Variants in PLB1 observed in about 807,000 individuals in gnomAD.
PLB1 encodes the protein phospholipase B1, membrane-associated.
A neutral mutation model predicts 227.4 loss-of-function variants in PLB1; 242 were observed. The ratio of observed to expected loss-of-function variants is 1.06; its 90% CI spans 0.96 to 1.18. The LOEUF (loss-of-function observed/expected upper bound fraction) is 1.18. PLB1 is among the 50% of genes most tolerant of loss of function. The pLI, the probability that PLB1 is intolerant of heterozygous loss-of-function variation, is 0.00. For missense variants in PLB1, 1,858 were observed against 1,816.3 expected (o/e 1.02, Z -0.42); for synonymous variants, 757 against 682.2 (o/e 1.11, Z -1.71).
At chr2:28,529,208 G>T (rs1670679417) in intron 6 of PLB1, 109 bp from the exon 7 acceptor site, 2 of 721,338 alleles carry the variant, frequency 2.8e-6, no homozygotes, top group Non-Finnish European at 4.8e-6. Context: ...GCCTCCCAAG[G>T]TACTGAGATT....
intron 55 of PLB1, among the ~76,000 whole-genome samples, 171 bp from the exon 56 acceptor site, chr2:28,632,772 GA>G (rs556849334): frequency 1.5e-4 from 22 of 149,076 alleles, no homozygotes; most frequent in African/African-American, 5.2e-4. Flanking sequence ...AAAGAAAAAA[GA>G]AAAAAAGAAA....
At chr2:28,521,771 C>G (rs1025430913) in intron 4 of PLB1, among the ~76,000 whole-genome samples, 2 of 152,072 alleles carry the variant, frequency 1.3e-5, no homozygotes, top group African/African-American at 2.4e-5. Flanking sequence ...TTGCTGCCCC[C>G]GATCTCAGCA....
chr2:28,499,544 A>G (rs1401761095), intron 1 of PLB1, among the ~76,000 whole-genome samples: 1 of 145,548 alleles, frequency 6.9e-6, no homozygotes, highest in African/African-American at 2.6e-5. Context: ...TTTTTTAAAG[A>G]GGTGATGATA....
At chr2:28,574,025 G>A (rs1390281979) in intron 21 of PLB1, among the ~76,000 whole-genome samples, 5 of 152,152 alleles carry the variant, frequency 3.3e-5, no homozygotes, top group Non-Finnish European at 7.3e-5. Flanking sequence ...CCCAAGAGTG[G>A]GCAGGTCAGC....
At chr2:28,571,957 T>A (rs114339667) in intron 20 of PLB1, among the ~76,000 whole-genome samples, 1 of 152,146 alleles carries the variant, frequency 6.6e-6, no homozygotes, top group East Asian at 1.9e-4. Context: ...AAGGATGTCA[T>A]ATCATATATC....
At chr2:28,593,073 C>A (rs989090730) in intron 32 of PLB1, among the ~76,000 whole-genome samples, 1 of 152,152 alleles carries the variant, frequency 6.6e-6, no homozygotes, top group African/African-American at 2.4e-5. Context: ...TCAGCTGAGA[C>A]CCTCACATCT....
chr2:28,592,775 C>T (rs1374966071), intron 32 of PLB1, 56 bp downstream of exon 32: 2 of 1,542,698 alleles, frequency 1.3e-6, no homozygotes, highest in Non-Finnish European at 1.8e-6. Flanking sequence ...CTCCAGATCC[C>T]AGTCCTCTTA....
intron 17 of PLB1, among the ~76,000 whole-genome samples, chr2:28,559,619 C>T (rs1015903243): frequency 2.0e-5 from 3 of 152,002 alleles, no homozygotes; most frequent in African/African-American, 4.8e-5. Context: ...AATGTTAATC[C>T]GGCTTCCTGC....
chr2:28,579,630 A>G lies in PLB1; in HGVS notation c.1489A>G (p.Ile497Val), dbSNP rs757260255. ...TCTGTGTTTCTATTCATTTCAGAGG[A>G]TACACTTTCAGGAAGACTGGAAGAT... ...LVDLMKNDTR[I>V]HFQEDWKIIT... Residue 497 changes from isoleucine to valine, a missense_variant, in exon 23 of 58, where the codon ATA (isoleucine) becomes GTA (valine). Physicochemically the swap from Ile to Val is conservative, Grantham distance 29. Coordinates refer to ENST00000327757, the MANE Select transcript of PLB1 (RefSeq NM_153021.5). 4 of 1,610,744 alleles carry G rather than the reference A, an allele frequency of 2.5e-6. No homozygotes were observed. The highest frequency in any genetic ancestry group is 1.6e-4 in the Middle Eastern group (1 of 6,074).
intron 1 of PLB1, among the ~76,000 whole-genome samples, chr2:28,506,245 G>A (rs897402794): frequency 6.6e-6 from 1 of 152,200 alleles, no homozygotes; most frequent in East Asian, 1.9e-4. Context: ...ATAGGTGCAA[G>A]CAGCTGTAAT....
rs1472264271 is a variant in PLB1 at position 28,499,798 on chromosome 2, T to C, written c.55+3629T>C. On this transcript the variant is annotated intron_variant, in intron 1 of 57. Coordinates refer to ENST00000327757, the MANE Select transcript of PLB1 (RefSeq NM_153021.5). ...TGTTCGGGAGGTTGAGGCAGGAGAA[T>C]TGCTTGAACCTGGGAGGTGGAGGTT... Among the ~76,000 whole-genome samples the C allele has an allele frequency of 2.0e-5, 3 of 152,040 alleles. No individual in the cohort carries two copies. In the East Asian group the frequency reaches 5.8e-4, roughly 29 times the overall value.
intron 30 of PLB1, 103 bp downstream of exon 30, chr2:28,591,274 C>A: frequency 6.9e-7 from 1 of 1,456,998 alleles, no homozygotes; most frequent in Non-Finnish European, 9.6e-7. Context: ...GGCAAGAGTT[C>A]TAGATGGGCA....
chr2:28,600,771 G>C (rs1221068668), intron 35 of PLB1, 38 bp from the exon 36 acceptor site: 2 of 1,604,610 alleles, frequency 1.2e-6, no homozygotes, highest in Non-Finnish European at 8.5e-7. Flanking sequence ...TATGGGCACT[G>C]TTCCTCAACA....
intron 21 of PLB1, 108 bp downstream of exon 21, chr2:28,573,413 G>T: frequency 2.4e-6 from 2 of 837,056 alleles, no homozygotes; most frequent in Non-Finnish European, 4.0e-6. Flanking sequence ...TTTGTCAGAG[G>T]AAAGGGTTTC....
intron 35 of PLB1, among the ~76,000 whole-genome samples, chr2:28,600,525 G>T (rs1430768474): frequency 1.3e-5 from 2 of 152,158 alleles, no homozygotes; most frequent in African/African-American, 4.8e-5. Flanking sequence ...AATCCTAAAG[G>T]CCCTTTTGCA....
chr2:28,497,254 C>T (rs184416962), intron 1 of PLB1, among the ~76,000 whole-genome samples: 15 of 152,154 alleles, frequency 9.9e-5, no homozygotes, highest in Non-Finnish European at 1.8e-4. Flanking sequence ...AGCTTGTCCT[C>T]CTATGGGGAC....
chr2:28,584,513 C>A (rs1326300137), intron 25 of PLB1, among the ~76,000 whole-genome samples: 2 of 152,222 alleles, frequency 1.3e-5, no homozygotes, highest in African/African-American at 4.8e-5. Context: ...TACCAGAAAG[C>A]CTCTTGCTAC....
intron 44 of PLB1, among the ~76,000 whole-genome samples, chr2:28,616,194 CAT>C (rs903072450): frequency 4.6e-5 from 7 of 152,042 alleles, no homozygotes; most frequent in Non-Finnish European, 1.0e-4. Flanking sequence ...AACAGTTTAC[CAT>C]ATATTTTCAA....
intron 17 of PLB1, among the ~76,000 whole-genome samples, chr2:28,556,645 A>G (rs1229454860): frequency 6.6e-6 from 1 of 152,206 alleles, no homozygotes; most frequent in African/African-American, 2.4e-5. Flanking sequence ...CAGCGAGAAA[A>G]GGAGTCACTT....
Sources: allele counts gnomAD v4.1 joint callset (sites outside exome capture counted in the v4.1 genomes callset), GRCh38; gene constraint gnomAD v4.1.1; transcripts MANE v1.5; gene names NCBI Gene and HGNC (gene_info 2026-07-23, HGNC 2026-07-21).